PTPRZ1: variants seen among roughly 807,000 people sequenced by gnomAD.
PTPRZ1 encodes receptor-type tyrosine-protein phosphatase zeta.
PTPRZ1 carries 82 observed loss-of-function variants against 214.1 expected under a neutral mutation model. The observed-to-expected ratio is 0.38, with a 90% confidence interval of 0.32 to 0.46. PTPRZ1 has a LOEUF of 0.46. Among genes scored for constraint, PTPRZ1 ranks in the 20% least tolerant of loss-of-function variants. The pLI is 1.00. For missense variants in PTPRZ1, 2,603 were observed against 2,748.7 expected (o/e 0.95, Z 1.19); for synonymous variants, 945 against 987.9 (o/e 0.96, Z 0.81).
At chr7:122,050,397 T>A (rs1016280274) in intron 23 of PTPRZ1, among the ~76,000 whole-genome samples, 30 of 36,836 alleles carry the variant, frequency 8.1e-4, no homozygotes, top group African/African-American at 2.6e-3. Context: ...CACTCCAGCC[T>A]GGGTGACAGA....
At chr7:121,897,223 G>A (rs1012983475) in intron 1 of PTPRZ1, among the ~76,000 whole-genome samples, 1 of 152,144 alleles carries the variant, frequency 6.6e-6, no homozygotes, top group Non-Finnish European at 1.5e-5. Context: ...ACTTGGACTT[G>A]AACCCAGGTC....
chr7:122,053,351 A>G (rs1336388534), intron 25 of PTPRZ1, among the ~76,000 whole-genome samples: 1 of 152,194 alleles, frequency 6.6e-6, no homozygotes, highest in Non-Finnish European at 1.5e-5. Flanking sequence ...GAGGCCAGCC[A>G]AGCAGGCTGT....
At chr7:121,993,861 A>G (rs952427262) in intron 8 of PTPRZ1, among the ~76,000 whole-genome samples, 3 of 152,124 alleles carry the variant, frequency 2.0e-5, no homozygotes, top group African/African-American at 4.8e-5. Flanking sequence ...TTTTTTCACC[A>G]TAAGAGCCTG....
At chr7:122,051,791 T>G in intron 24 of PTPRZ1, 75 bp from the exon 25 acceptor site, 1 of 1,333,910 alleles carries the variant, frequency 7.5e-7, no homozygotes, top group Non-Finnish European at 1.1e-6. Flanking sequence ...GAAAAGATGG[T>G]ACAGTGCTGT....
At chr7:122,023,900 T>C (rs986012420) in intron 13 of PTPRZ1, among the ~76,000 whole-genome samples, 2 of 147,844 alleles carry the variant, frequency 1.4e-5, no homozygotes, top group Non-Finnish European at 3.0e-5. Context: ...AATACACATT[T>C]CTAGGTTTTC....
chr7:122,034,025 T>G (rs1799462955), intron 15 of PTPRZ1, 70 bp from the exon 16 acceptor site: 1 of 1,424,170 alleles, frequency 7.0e-7, no homozygotes, highest in Non-Finnish European at 9.7e-7. Flanking sequence ...TATGAACGCT[T>G]TTTTTTCTCA....
intron 18 of PTPRZ1, 118 bp from the exon 19 acceptor site, chr7:122,038,637 T>C: frequency 1.0e-6 from 1 of 977,012 alleles, no homozygotes; most frequent in African/African-American, 1.6e-5. Flanking sequence ...TTTGCAAGTT[T>C]ATTTTTTATG....
At chr7:121,995,281 T>G (rs1388556876) in intron 8 of PTPRZ1, among the ~76,000 whole-genome samples, 1 of 152,206 alleles carries the variant, frequency 6.6e-6, no homozygotes, top group African/African-American at 2.4e-5. Context: ...TACCTAAGTC[T>G]ACTGCATGCT....
intron 1 of PTPRZ1, among the ~76,000 whole-genome samples, chr7:121,916,443 C>T (rs1795430350): frequency 6.6e-6 from 1 of 152,208 alleles, no homozygotes; most frequent in Non-Finnish European, 1.5e-5. Context: ...AGTCTCTTGA[C>T]ATCCTCACAA....
chr7:121,980,511 TAAATC>T lies in PTPRZ1; in HGVS notation c.620-3150_620-3146del, dbSNP rs549522096. On this transcript the variant is annotated intron_variant, in intron 6 of 29. Transcript: ENST00000393386. ...TTTTAGAAGTTACTAATGAATCCGT[TAAATC>T]AAAGAAAACTTGAACTTTCTAATGG... Among the ~76,000 whole-genome samples, 637 of 152,362 alleles carry T rather than the reference TAAATC, an allele frequency of 4.2e-3. 4 individuals carry two copies. The highest frequency in any genetic ancestry group is 0.014 in the Middle Eastern group (4 of 294).
At chr7:122,001,721 A>AAAC (rs1554359627) in intron 10 of PTPRZ1, among the ~76,000 whole-genome samples, 4 of 152,178 alleles carry the variant, frequency 2.6e-5, no homozygotes, top group Non-Finnish European at 5.9e-5. Context: ...ATAGAAAATT[A>AAAC]ATGTGTTCCT....
Position 122,039,558 on chromosome 7 carries a change from T to A in PTPRZ1, c.5607T>A (p.Asn1869Lys). Residue 1869 changes from asparagine (N) to lysine (K), a missense_variant, in exon 20 of 30, where the codon AAT becomes AAA. By Grantham distance (94) the Asn-to-Lys change is moderately conservative (BLOSUM62 0). This residue lies in a region of PTPRZ1 where 1,913 missense variants were observed against 1,914.3 expected (regional missense o/e 1.00). Transcript: ENST00000393386. ...TGCTTGCCTATTATACTGTGAGGAA[T>A]TTTACTCTAAGAAACACAAAAATAA... ...VQVLAYYTVR[N>K]FTLRNTKIKK... The A allele has an allele frequency of 6.2e-7, 1 of 1,613,774 alleles. No individual in the cohort carries two copies. The highest frequency in any genetic ancestry group is 8.5e-7 in the Non-Finnish European group (1 of 1,179,936).
At chr7:121,957,245 G>A (rs551938094) in intron 2 of PTPRZ1, among the ~76,000 whole-genome samples, 5 of 152,168 alleles carry the variant, frequency 3.3e-5, no homozygotes, top group South Asian at 2.1e-4. Context: ...ACAATCTCGC[G>A]GATCTTCTCT....
At chr7:122,020,505 C>G (rs765049912) in intron 13 of PTPRZ1, among the ~76,000 whole-genome samples, 1 of 152,126 alleles carries the variant, frequency 6.6e-6, no homozygotes, top group Non-Finnish European at 1.5e-5. Flanking sequence ...GGCAGGGACA[C>G]AGCAGGTGCA....
intron 13 of PTPRZ1, among the ~76,000 whole-genome samples, chr7:122,027,694 C>G (rs1191910759): frequency 1.3e-5 from 2 of 152,142 alleles, no homozygotes; most frequent in Admixed American, 1.3e-4. Flanking sequence ...AGATGGTTGG[C>G]TTTACTTTAT....
chr7:122,035,066 C>T (rs1323456211), intron 17 of PTPRZ1, among the ~76,000 whole-genome samples: 5 of 152,026 alleles, frequency 3.3e-5, no homozygotes, highest in Non-Finnish European at 7.4e-5. Flanking sequence ...TTCGTGCTCC[C>T]TCCCCACTCC....
chr7:122,052,794 G>A (rs1792227004), intron 25 of PTPRZ1, among the ~76,000 whole-genome samples: 1 of 152,182 alleles, frequency 6.6e-6, no homozygotes, highest in Non-Finnish European at 1.5e-5. Context: ...CAACCAAGGT[G>A]TCTGGACACC....
At chr7:121,891,668 T>C (rs1185834443) in intron 1 of PTPRZ1, among the ~76,000 whole-genome samples, 1 of 151,962 alleles carries the variant, frequency 6.6e-6, no homozygotes, top group African/African-American at 2.4e-5. Flanking sequence ...CTTAGTTTAC[T>C]TTTTCAACAT....
chr7:122,000,099 A>G (rs1353378487), intron 10 of PTPRZ1, among the ~76,000 whole-genome samples: 1 of 152,102 alleles, frequency 6.6e-6, no homozygotes, highest in East Asian at 1.9e-4. Flanking sequence ...AAGGGTTACA[A>G]ACTTAGGTAG....
Sources: allele counts gnomAD v4.1 joint callset (sites outside exome capture counted in the v4.1 genomes callset), GRCh38; gene constraint gnomAD v4.1.1; regional missense constraint gnomAD v4.1.1; transcripts MANE v1.5; gene names NCBI Gene and HGNC (gene_info 2026-07-23, HGNC 2026-07-21).